Variants in MROH6 observed in about 807,000 individuals in gnomAD.
The protein encoded by MROH6 is maestro heat like repeat family member 6.
Under a neutral mutation model 67.7 loss-of-function variants are expected in MROH6, and 62 were observed. The ratio of observed to expected loss-of-function variants is 0.92; its 90% confidence interval spans 0.75 to 1.13. The LOEUF (loss-of-function observed/expected upper bound fraction) is 1.13. Among genes scored for constraint, MROH6 ranks in the 50% most tolerant of loss-of-function variants. MROH6 has a pLI of 0.00. For missense variants in MROH6, 1,175 were observed against 1,029.1 expected, an observed-to-expected ratio of 1.14 and a Z score of -1.94; for synonymous variants, 566 against 470.8, an observed-to-expected ratio of 1.20 and a Z score of -2.62.
rs115566595 is a variant in MROH6 at position 143,568,381 on chromosome 8, G to A, written c.1645-120C>T. The A allele has an allele frequency of 2.1e-3, 3,055 of 1,437,060 alleles. 66 individuals are homozygous for A. The African/African-American group carries it at 0.037, about 18-fold the overall frequency. The allele number at this position is 1,437,060 out of a possible 1,614,324, so 89.0% of individuals were successfully genotyped here. A position where few individuals can be genotyped will look rare whatever the true frequency, so the allele number is the denominator to read the frequency against. On this transcript the variant is annotated intron_variant, in intron 10 of 13. Transcript: ENST00000398882. ...GCAGAAGAGCCCAGGGCAGGAGACT[G>A]GATTGATTCTGCTCAAGGGAAGAGC...
At position 143,571,838 on chromosome 8, in the gene MROH6, C is replaced by A; in HGVS notation, c.448-17G>T. ...AGCATGCACCTGGTGGGGAAGGGGG[C>A]AGACTTCAGCAGTCAGGCCTCCTCC... On this transcript the variant is annotated splice_polypyrimidine_tract_variant and intron_variant, in intron 2 of 13. Transcript: ENST00000398882. 6.5e-7 allele frequency: 1 copy of A among 1,532,366 alleles called. No individual in the cohort carries two copies. 94.9% of individuals were successfully genotyped at this position (1,532,366 alleles called of 1,614,324 possible).
chr8:143,569,546 C>T lies in MROH6; in HGVS notation c.1371G>A (p.Val457=). The part of the protein sequence containing the change: ...GALGEGDARL[V]GAALGALRRL... ...TCCTCAGGGCGCCCAGCGCTGCACCCACGAGCCGCGCGTCGCCTTCGCCCA... is the reference window on the plus strand; with the variant it reads ...TCCTCAGGGCGCCCAGCGCTGCACCTACGAGCCGCGCGTCGCCTTCGCCCA... Residue 457 remains valine, a synonymous_variant, in exon 9 of 14, where the codon GTG becomes GTA. Transcript: ENST00000398882. The T allele has an allele frequency of 1.3e-6, 2 of 1,532,154 alleles. No individual in the cohort carries two copies. The highest frequency in any genetic ancestry group is 1.4e-5 in the African/African-American group (1 of 72,656). The allele number at this position is 1,532,154 out of a possible 1,614,324, so 94.9% of individuals were successfully genotyped here.
In MROH6 at chr8:143,568,676, G is replaced by A. The variant is rs768754607; in HGVS notation, c.1520C>T (p.Thr507Ile). 4.0e-5 allele frequency: 61 copies of A among 1,522,184 alleles called. No individual in the cohort carries two copies. Among genetic ancestry groups the A allele is most frequent in the Non-Finnish European group, 5.3e-5 (60 of 1,139,838 alleles). 94.3% of individuals were successfully genotyped at this position (1,522,184 alleles called of 1,614,324 possible). The change falls in exon 10 of 14, where the codon ACT becomes ATT. Residue 507 changes from threonine (T) to isoleucine (I), a missense_variant. Physicochemically the swap from Thr to Ile is moderately conservative, Grantham distance 89 (BLOSUM62 -1). Transcript: ENST00000398882. Reference protein sequence around the residue: ...IRASAVGLLGTLVRRGRGGLR... With the variant: ...IRASAVGLLGILVRRGRGGLR... Reference sequence around the variant, plus strand: ...CCCGCCCCGGCCCCGGCGCACCAGAGTCCCAAGGAGCCCGACGGCCGAGGC... The same window carrying A: ...CCCGCCCCGGCCCCGGCGCACCAGAATCCCAAGGAGCCCGACGGCCGAGGC...
rs373217968 is a variant in MROH6 at position 143,572,547 on chromosome 8, T to C, written c.168A>G (p.Pro56=). ...AGGGGGCGGTGAGTGCCTGGGTCTGTGGCTCAGCCTCAGGTTTGACCTCCC... is the reference window on the plus strand; with the variant it reads ...AGGGGGCGGTGAGTGCCTGGGTCTGCGGCTCAGCCTCAGGTTTGACCTCCC... ...KSWEVKPEAE[P]QTQALTAPSE... The change falls in exon 1 of 14, where the codon CCA becomes CCG. Residue 56 remains proline (P), a synonymous_variant. Coordinates refer to ENST00000398882, the MANE Select transcript of MROH6 (RefSeq NM_001100878.2). 1 of 1,606,852 alleles carries C rather than the reference T, an allele frequency of 6.2e-7. No individual in the cohort carries two copies. Among genetic ancestry groups the C allele is most frequent in the Non-Finnish European group, 8.5e-7 (1 of 1,177,650 alleles).
rs1345601993 is a variant in MROH6, at chr8:143,566,688, G to A, written c.*551C>T. The stretch of plus-strand genomic sequence containing the variant: ...AGGCTCCCATGAGGCCTGACATAAT[G>A]AACAGGGGGTGATGATGGCCTGGCT... On this transcript the variant is annotated 3_prime_UTR_variant, in exon 14 of 14. Transcript: ENST00000398882. The A allele has an allele frequency of 6.6e-6, 1 of 152,314 alleles. No individual in the cohort carries two copies. The highest frequency in any genetic ancestry group is 1.5e-5 in the Non-Finnish European group (1 of 68,114). The allele number at this position is 152,314 out of a possible 1,614,324, so 9.4% of individuals were successfully genotyped here.
In MROH6 at chr8:143,568,543, G is replaced by A. The variant is rs764568117; in HGVS notation, c.1644+9C>T. The A allele has an allele frequency of 1.5e-5, 23 of 1,520,308 alleles. No homozygotes were observed. In the East Asian group the frequency reaches 1.7e-4, roughly 11 times the overall value. The allele number at this position is 1,520,308 out of a possible 1,614,324, so 94.2% of individuals were successfully genotyped here. A position where few individuals can be genotyped will look rare whatever the true frequency, so the allele number is the denominator to read the frequency against. Reference sequence around the variant, plus strand: ...GCATAGGGGTGGGATGGTGTCGGGGGCTGCTGACCTCAGCAGCGTCCCTGC... The same window carrying A: ...GCATAGGGGTGGGATGGTGTCGGGGACTGCTGACCTCAGCAGCGTCCCTGC... On this transcript the variant is annotated intron_variant, in intron 10 of 13. Transcript: ENST00000398882.
At chr8:143,568,859 G>C in intron 9 of MROH6, 140 bp from the exon 10 acceptor site, 1 of 630,962 alleles carries the variant, frequency 1.6e-6, no homozygotes, top group Non-Finnish European at 2.6e-6. Flanking sequence ...AGGGAACAGG[G>C]CCTGGAGCTG....
rs112599495 is a variant in MROH6 at position 143,567,392 on chromosome 8, C to T, written c.2007G>A (p.Ala669=). 58 of 1,251,824 alleles carry T rather than the reference C, an allele frequency of 4.6e-5. No homozygotes were observed. Among genetic ancestry groups the T allele is most frequent in the Admixed American group, 2.1e-4 (5 of 23,820 alleles). 77.5% of individuals were successfully genotyped at this position (1,251,824 alleles called of 1,614,324 possible). Residue 669 remains alanine, a synonymous_variant, in exon 14 of 14, where the codon GCG becomes GCA. Coordinates refer to ENST00000398882, the MANE Select transcript of MROH6 (RefSeq NM_001100878.2). ...AAAHVSAQQV[A]MLARARGCPR... ...GGCAGCCCCGGGCACGGGCCAGCAT[C>T]GCCACCTGCTGAGCGGACACGTGCG...
intron 3 of MROH6, 110 bp from the exon 4 acceptor site, chr8:143,571,104 G>T: frequency 1.2e-6 from 1 of 817,764 alleles, no homozygotes; most frequent in Non-Finnish European, 2.0e-6. Context: ...AGCAGGGGAG[G>T]GGCAGGAAAC....
rs1824064216 is a variant in MROH6, at chr8:143,571,837, GC to G, written c.448-17del. On this transcript the variant is annotated splice_polypyrimidine_tract_variant and intron_variant, in intron 2 of 13. Coordinates refer to ENST00000398882, the MANE Select transcript of MROH6 (RefSeq NM_001100878.2). Reference sequence around the variant, plus strand: ...GAGCATGCACCTGGTGGGGAAGGGGGCAGACTTCAGCAGTCAGGCCTCCTCC... The same window carrying G: ...GAGCATGCACCTGGTGGGGAAGGGGGAGACTTCAGCAGTCAGGCCTCCTCC... The G allele has an allele frequency of 6.5e-7, 1 of 1,532,422 alleles. No homozygotes were observed. Among genetic ancestry groups the G allele is most frequent in the South Asian group, 1.2e-5 (1 of 83,536 alleles). 94.9% of individuals were successfully genotyped at this position (1,532,422 alleles called of 1,614,324 possible).
Position 143,569,855 on chromosome 8 carries a change from T to A in MROH6, c.1159-15A>T, listed in dbSNP as rs1467933800. On this transcript the variant is annotated splice_polypyrimidine_tract_variant and intron_variant, in intron 7 of 13. Transcript: ENST00000398882. ...CTCTGCAACAGCTAGGCGAGGCACA[T>A]GGGGTCAGCACGCCCGCGGTCCCCG... The A allele has an allele frequency of 5.0e-6, 8 of 1,610,438 alleles. No homozygotes were observed. In the Admixed American group the frequency reaches 6.7e-5, roughly 14 times the overall value.
chr8:143,571,300 C>T (rs1824022368), intron 3 of MROH6, among the ~76,000 whole-genome samples: 1 of 152,288 alleles, frequency 6.6e-6, no homozygotes, highest in Non-Finnish European at 1.5e-5. Context: ...GAGAATAAAA[C>T]CAAAGATAAC....
intron 9 of MROH6, 37 bp downstream of exon 9, chr8:143,569,404 G>C: frequency 7.2e-7 from 1 of 1,380,594 alleles, no homozygotes; most frequent in Non-Finnish European, 9.3e-7. Context: ...CGGTGACAGC[G>C]GCAGGGGCGG....
At position 143,568,541 on chromosome 8, in the gene MROH6, G is replaced by A; in HGVS notation, c.1644+11C>T. On this transcript the variant is annotated intron_variant, in intron 10 of 13. Coordinates refer to ENST00000398882, the MANE Select transcript of MROH6 (RefSeq NM_001100878.2). The stretch of plus-strand genomic sequence containing the variant: ...TGGCATAGGGGTGGGATGGTGTCGG[G>A]GGCTGCTGACCTCAGCAGCGTCCCT... 1 of 1,518,534 alleles carries A rather than the reference G, an allele frequency of 6.6e-7. No homozygotes were observed. The highest frequency in any genetic ancestry group is 1.2e-5 in the South Asian group (1 of 81,856). The allele number at this position is 1,518,534 out of a possible 1,614,324, so 94.1% of individuals were successfully genotyped here.
chr8:143,571,534 T>C (rs1824037001), intron 3 of MROH6, 133 bp downstream of exon 3: 1 of 1,187,878 alleles, frequency 8.4e-7, no homozygotes, highest in Non-Finnish European at 1.2e-6. Flanking sequence ...ATACGGGGCA[T>C]GAGTCATCGC....
At chr8:143,568,417 T>C in intron 10 of MROH6, 135 bp downstream of exon 10, 1 of 1,429,686 alleles carries the variant, frequency 7.0e-7, no homozygotes, top group Non-Finnish European at 9.2e-7. Flanking sequence ...AGTAGTAACC[T>C]GGCCGCCCGT....
In MROH6 at chr8:143,569,537, C is replaced by G; in HGVS notation, c.1380G>C (p.Ala460=). Residue 460 remains alanine, a synonymous_variant, in exon 9 of 14, where the codon GCG becomes GCC. Coordinates refer to ENST00000398882, the MANE Select transcript of MROH6 (RefSeq NM_001100878.2). ...GCAGGAGCCTCCTCAGGGCGCCCAG[C>G]GCTGCACCCACGAGCCGCGCGTCGC... ...GEGDARLVGA[A]LGALRRLLLR... 2 of 1,526,628 alleles carry G rather than the reference C, an allele frequency of 1.3e-6. No homozygotes were observed. The highest frequency in any genetic ancestry group is 1.7e-6 in the Non-Finnish European group (2 of 1,142,994). 94.6% of individuals were successfully genotyped at this position (1,526,628 alleles called of 1,614,324 possible).
At position 143,572,112 on chromosome 8, in the gene MROH6, G is replaced by A. The variant is rs748536045; in HGVS notation, c.368C>T (p.Ala123Val). ...TGTCGCCTGGGTCCCTGCAAAGCCA[G>A]CCTCCTCCAGGCAGGCAGCCGTGTA... ...ALYTAACLEE[A>V]GFAGTQATVL... Residue 123 changes from alanine to valine, a missense_variant, in exon 2 of 14, where the codon GCT (alanine) becomes GTT (valine). By Grantham distance (64) the Ala-to-Val change is moderately conservative. Coordinates refer to ENST00000398882, the MANE Select transcript of MROH6 (RefSeq NM_001100878.2). The A allele has an allele frequency of 1.9e-6, 3 of 1,612,898 alleles. No individual in the cohort carries two copies. The African/African-American group carries it at 4.0e-5, about 22-fold the overall frequency.
At position 143,569,998 on chromosome 8, in the gene MROH6, T is replaced by C; in HGVS notation, c.1111A>G (p.Ser371Gly). 23 of 1,613,164 alleles carry C rather than the reference T, an allele frequency of 1.4e-5. No homozygotes were observed. The highest frequency in any genetic ancestry group is 1.9e-5 in the Non-Finnish European group (23 of 1,179,862). Residue 371 changes from serine to glycine, a missense_variant, in exon 7 of 14, where the codon AGC becomes GGC. Physicochemically the swap from Ser to Gly is moderately conservative, Grantham distance 56. Transcript: ENST00000398882. Reference sequence around the variant, plus strand: ...GTGAGACGCTGCGGGTCGTCCGCGCTGCGAAGCCGAGGGAGCAAGTCTGCG... The same window carrying C: ...GTGAGACGCTGCGGGTCGTCCGCGCCGCGAAGCCGAGGGAGCAAGTCTGCG... ...LFADLLPRLRSADDPQRLTAM... is the reference protein window; with the variant it reads ...LFADLLPRLRGADDPQRLTAM...
Sources: gnomAD v4.1 joint callset for allele counts (sites outside exome capture counted in the v4.1 genomes callset) on GRCh38, gnomAD v4.1.1 for gene constraint, MANE v1.5 for transcripts, NCBI Gene and HGNC (gene_info 2026-07-23, HGNC 2026-07-21) for gene names.